C12orf43: variants seen among roughly 807,000 people sequenced by gnomAD.
C12orf43 encodes chromosome 12 open reading frame 43, also known as protein CUSTOS.
A neutral mutation model predicts 20.6 loss-of-function variants in C12orf43; 15 were observed. The observed-to-expected ratio is 0.73, with a 90% confidence interval of 0.49 to 1.12. The LOEUF (loss-of-function observed/expected upper bound fraction) is 1.12. Among genes scored for constraint, C12orf43 ranks in the 50% most tolerant of loss-of-function variants. The pLI, the probability that C12orf43 is intolerant of heterozygous loss-of-function variation, is 0.00. For synonymous variants in C12orf43, 144 were observed against 130.8 expected (o/e 1.10, Z -0.69); for missense variants, 334 against 344.4 (o/e 0.97, Z 0.24).
chr12:121,002,214 C>T lies in C12orf43; in HGVS notation c.*1939G>A, dbSNP rs555908576. 1 of 450,214 alleles carries T rather than the reference C, an allele frequency of 2.2e-6. No homozygotes were observed. Among genetic ancestry groups the T allele is most frequent in the African/African-American group, 2.0e-5 (1 of 51,084 alleles). 27.9% of individuals were successfully genotyped at this position (450,214 alleles called of 1,614,324 possible). Reference sequence around the variant, plus strand: ...AGGGCACAGGAGCTACCTGTGTGGACAGGACTAACACTCAGAAGCCTGGGG... The same window carrying T: ...AGGGCACAGGAGCTACCTGTGTGGATAGGACTAACACTCAGAAGCCTGGGG... On this transcript the variant is annotated 3_prime_UTR_variant, in exon 6 of 6. Coordinates refer to ENST00000288757, the MANE Select transcript of C12orf43 (RefSeq NM_022895.3).
rs536191115 is a variant in C12orf43, at chr12:121,015,588, C to T, written c.145+742G>A. ...TTACATCTTAGATATAGAGATGGGT[C>T]TAAAAATTAGAGTGGCACATTTTAA... On this transcript the variant is annotated intron_variant, in intron 1 of 5. Transcript: ENST00000288757. Among the ~76,000 whole-genome samples the T allele has an allele frequency of 3.3e-5, 5 of 152,276 alleles. No homozygotes were observed. In the East Asian group the frequency reaches 9.6e-4, roughly 29 times the overall value.
At chr12:121,010,994 ATG>A (rs1167611399) in intron 2 of C12orf43, 68 bp from the exon 3 acceptor site, 1 of 1,595,378 alleles carries the variant, frequency 6.3e-7, no homozygotes, top group East Asian at 2.2e-5. Flanking sequence ...CACAGGGACC[ATG>A]TGTGTCTTGT....
In C12orf43 at chr12:121,006,412, G is replaced by A. The variant is rs368031362; in HGVS notation, c.288-18C>T. The A allele has an allele frequency of 2.4e-5, 38 of 1,611,504 alleles. No individual in the cohort carries two copies. The highest frequency in any genetic ancestry group is 1.6e-4 in the Middle Eastern group (1 of 6,078). The stretch of plus-strand genomic sequence containing the variant: ...TAATGAAGCTACAGGGAGACGAGAC[G>A]GTTGATTTAAGATGAGATTTTTGGA... On this transcript the variant is annotated intron_variant, in intron 3 of 5. Coordinates refer to ENST00000288757, the MANE Select transcript of C12orf43 (RefSeq NM_022895.3).
chr12:121,011,609 G>A (rs1171651112), intron 1 of C12orf43, among the ~76,000 whole-genome samples: 4 of 152,058 alleles, frequency 2.6e-5, no homozygotes, highest in Non-Finnish European at 4.4e-5. Context: ...CAGAAGAAAC[G>A]TCAAAGATAT....
Position 121,004,929 on chromosome 12 carries a change from G to A in C12orf43, c.452+74C>T. The A allele has an allele frequency of 8.7e-7, 1 of 1,147,752 alleles. No homozygotes were observed. Among genetic ancestry groups the A allele is most frequent in the Non-Finnish European group, 1.2e-6 (1 of 849,216 alleles). The allele number at this position is 1,147,752 out of a possible 1,614,324, so 71.1% of individuals were successfully genotyped here. ...CCTGGTCCTGACTGGAGTCTGCTTGGCTATTCCAGGGAACCCACCAAGACA... is the reference window on the plus strand; with the variant it reads ...CCTGGTCCTGACTGGAGTCTGCTTGACTATTCCAGGGAACCCACCAAGACA... On this transcript the variant is annotated intron_variant, in intron 5 of 5. Transcript: ENST00000288757. This position sits in a 1 kb window ranked among gnomAD's most constrained non-coding sequence, Gnocchi z 5.6.
At chr12:121,011,541 A>G (rs995197588) in intron 1 of C12orf43, among the ~76,000 whole-genome samples, 9 of 151,852 alleles carry the variant, frequency 5.9e-5, no homozygotes, top group African/African-American at 1.7e-4. Context: ...TATAACACAT[A>G]TAACTCAGTG....
At position 121,006,309 on chromosome 12, in the gene C12orf43, A is replaced by G; in HGVS notation, c.361+12T>C. ...TAATAAATGATAGCTTCTATTAAGT[A>G]TAACCACTCACCATCATCCTCCAAA... On this transcript the variant is annotated intron_variant, in intron 4 of 5. Coordinates refer to ENST00000288757, the MANE Select transcript of C12orf43 (RefSeq NM_022895.3). The G allele has an allele frequency of 3.7e-6, 6 of 1,609,342 alleles. No individual in the cohort carries two copies. The highest frequency in any genetic ancestry group is 4.3e-6 in the Non-Finnish European group (5 of 1,175,672).
chr12:121,015,041 T>A (rs1348086804), intron 1 of C12orf43, among the ~76,000 whole-genome samples: 3 of 152,082 alleles, frequency 2.0e-5, no homozygotes, highest in African/African-American at 7.2e-5. Flanking sequence ...TTTGCCACCA[T>A]GTATTGGGCC....
rs1314039567 is a variant in C12orf43, at chr12:121,010,924, T to C, written c.191A>G (p.His64Arg). Residue 64 changes from histidine (H) to arginine (R), a missense_variant and splice_region_variant, in exon 3 of 6, where the codon CAT (histidine) becomes CGT (arginine). Transcript: ENST00000288757. The stretch of plus-strand genomic sequence containing the variant: ...ATCTTGTTCATGCTCATTCACCTTA[T>C]GCCTACGACACACACAAAGAGACCT... ...QLSTSQPSLR[H>R]KVNEHEQDGN... The C allele has an allele frequency of 1.2e-6, 2 of 1,614,052 alleles. No individual in the cohort carries two copies. The highest frequency in any genetic ancestry group is 1.7e-6 in the Non-Finnish European group (2 of 1,180,032).
intron 3 of C12orf43, 92 bp from the exon 4 acceptor site, chr12:121,006,486 G>T: frequency 8.0e-7 from 1 of 1,244,022 alleles, no homozygotes; most frequent in Non-Finnish European, 1.2e-6. Flanking sequence ...TGGGGTATGT[G>T]ATTGTAAATG....
chr12:121,001,510 A>G lies in C12orf43; in HGVS notation c.*2643T>C. On this transcript the variant is annotated 3_prime_UTR_variant, in exon 6 of 6. Coordinates refer to ENST00000288757, the MANE Select transcript of C12orf43 (RefSeq NM_022895.3). The stretch of plus-strand genomic sequence containing the variant: ...TTGGAACTGAAGGGGGCGGCCTATG[A>G]CTTGGGCACCCCCAGCCTGGGCCTA... 2.2e-6 allele frequency: 1 copy of G among 457,680 alleles called. No homozygotes were observed. The highest frequency in any genetic ancestry group is 4.1e-6 in the Non-Finnish European group (1 of 244,146). 28.4% of individuals were successfully genotyped at this position (457,680 alleles called of 1,614,324 possible).
Position 121,001,616 on chromosome 12 carries a change from C to T in C12orf43, c.*2537G>A. On this transcript the variant is annotated 3_prime_UTR_variant, in exon 6 of 6. Transcript: ENST00000288757. ...GCCTGTGTAGCTGTGACCTGCTGAG[C>T]TCTGAGAGGCCCTGGATCAGCGTGG... 1 of 440,718 alleles carries T rather than the reference C, an allele frequency of 2.3e-6. No homozygotes were observed. Among genetic ancestry groups the T allele is most frequent in the Non-Finnish European group, 4.3e-6 (1 of 230,628 alleles). 27.3% of individuals were successfully genotyped at this position (440,718 alleles called of 1,614,324 possible).
intron 1 of C12orf43, among the ~76,000 whole-genome samples, chr12:121,013,248 A>G (rs1391103808): frequency 6.6e-6 from 1 of 152,196 alleles, no homozygotes; most frequent in Non-Finnish European, 1.5e-5. Context: ...CGTCTTCAGC[A>G]CATAATCACT....
intron 3 of C12orf43, among the ~76,000 whole-genome samples, chr12:121,010,370 A>G (rs571919360): frequency 9.8e-5 from 15 of 152,308 alleles, no homozygotes; most frequent in African/African-American, 3.6e-4. Context: ...TTGAGGCCCA[A>G]TTCTGTTCCC....
At chr12:121,016,203 C>G (rs1345623699) in intron 1 of C12orf43, 127 bp downstream of exon 1, 1 of 1,413,124 alleles carries the variant, frequency 7.1e-7, no homozygotes, top group East Asian at 2.3e-5. Context: ...GCACTACACC[C>G]AGTCCCTGGA....
At position 121,004,079 on chromosome 12, in the gene C12orf43, G is replaced by T; in HGVS notation, c.*74C>A. On this transcript the variant is annotated 3_prime_UTR_variant, in exon 6 of 6. Coordinates refer to ENST00000288757, the MANE Select transcript of C12orf43 (RefSeq NM_022895.3). This position sits in a 1 kb window ranked among gnomAD's most constrained non-coding sequence, Gnocchi z 5.6. ...AACTTGGAGAGGGAGGTGGGGCTTGGAAATGCCTTGTCCCCAGGGTGGGGG... is the reference window on the plus strand; with the variant it reads ...AACTTGGAGAGGGAGGTGGGGCTTGTAAATGCCTTGTCCCCAGGGTGGGGG... 6.6e-7 allele frequency: 1 copy of T among 1,513,878 alleles called. No homozygotes were observed. Among genetic ancestry groups the T allele is most frequent in the Non-Finnish European group, 9.2e-7 (1 of 1,089,712 alleles). 93.8% of individuals were successfully genotyped at this position (1,513,878 alleles called of 1,614,324 possible). A position where few individuals can be genotyped will look rare whatever the true frequency, so the allele number is the denominator to read the frequency against.
At position 121,003,991 on chromosome 12, in the gene C12orf43, C is replaced by A. The variant is rs765558564; in HGVS notation, c.*162G>T. On this transcript the variant is annotated 3_prime_UTR_variant, in exon 6 of 6. Transcript: ENST00000288757. ...ACAGCCACTTTTTTGGCCCAACTCT[C>A]GAGCAAGCCTTCATCACCATCAGGG... The A allele has an allele frequency of 1.3e-6, 1 of 792,722 alleles. No homozygotes were observed. The highest frequency in any genetic ancestry group is 2.1e-6 in the Non-Finnish European group (1 of 484,710). The allele number at this position is 792,722 out of a possible 1,614,324, so 49.1% of individuals were successfully genotyped here.
Position 121,005,277 on chromosome 12 carries a change from CAAT to C in C12orf43, c.362-187_362-185del, listed in dbSNP as rs559784909. Among the ~76,000 whole-genome samples, 349 of 148,782 alleles carry C rather than the reference CAAT, an allele frequency of 2.3e-3. 2 individuals carry two copies. Among genetic ancestry groups the C allele is most frequent in the Middle Eastern group, 0.01 (3 of 288 alleles). ...AAAATAAAAAAATTTAAAAAAGAAA[CAAT>C]AACAAAAAAACCCAACCAAGCAAAC... On this transcript the variant is annotated intron_variant, in intron 4 of 5. Transcript: ENST00000288757. This position sits in a 1 kb window ranked among gnomAD's most constrained non-coding sequence, Gnocchi z 5.6.
chr12:121,001,523 CA>C lies in C12orf43; in HGVS notation c.*2629del, dbSNP rs1877483413. On this transcript the variant is annotated 3_prime_UTR_variant, in exon 6 of 6. Coordinates refer to ENST00000288757, the MANE Select transcript of C12orf43 (RefSeq NM_022895.3). ...GGGCGGCCTATGACTTGGGCACCCC[CA>C]GCCTGGGCCTATGGAGAGCCCTGGG... The C allele has an allele frequency of 2.2e-6, 1 of 452,452 alleles. No individual in the cohort carries two copies. The highest frequency in any genetic ancestry group is 4.2e-6 in the Non-Finnish European group (1 of 240,478). 28.0% of individuals were successfully genotyped at this position (452,452 alleles called of 1,614,324 possible). A position where few individuals can be genotyped will look rare whatever the true frequency, so the allele number is the denominator to read the frequency against.
Sources: allele counts gnomAD v4.1 joint callset (sites outside exome capture counted in the v4.1 genomes callset), GRCh38; gene constraint gnomAD v4.1.1; non-coding constraint Gnocchi (gnomAD v3.1); transcripts MANE v1.5; gene names NCBI Gene and HGNC (gene_info 2026-07-23, HGNC 2026-07-21).